PSME4: variants seen among roughly 807,000 people sequenced by gnomAD.
The protein encoded by PSME4 is proteasome activator complex subunit 4.
Under a neutral mutation model 253.9 loss-of-function variants are expected in PSME4, and 89 were observed. The observed-to-expected ratio is 0.35, with a 90% CI of 0.30 to 0.42. PSME4 has a LOEUF of 0.42. PSME4 is among the 10% of genes least tolerant of loss of function. PSME4 has a pLI of 1.00. For synonymous variants in PSME4, 851 were observed against 759.2 expected, an observed-to-expected ratio of 1.12 and a Z score of -1.99; for missense variants, 2,014 against 2,195.2, an observed-to-expected ratio of 0.92 and a Z score of 1.65.
chr2:53,907,349 T>G (rs774177473), intron 24 of PSME4, among the ~76,000 whole-genome samples: 5 of 152,194 alleles, frequency 3.3e-5, no homozygotes, highest in African/African-American at 2.4e-5. Context: ...CAAAGGCAGA[T>G]AGTTGAGGCT....
chr2:53,889,051 G>C (rs1281308311), intron 37 of PSME4, among the ~76,000 whole-genome samples: 1 of 152,066 alleles, frequency 6.6e-6, no homozygotes, highest in Non-Finnish European at 1.5e-5. Flanking sequence ...TTTTTGTAGA[G>C]ACAGAGTCTC....
chr2:53,920,424 C>A (rs541299631), intron 18 of PSME4, 74 bp from the exon 19 acceptor site: 14 of 1,356,572 alleles, frequency 1.0e-5, no homozygotes, highest in South Asian at 3.7e-5. Context: ...TACATATACA[C>A]AATTTTTAAA....
intron 1 of PSME4, among the ~76,000 whole-genome samples, chr2:53,961,261 C>T (rs1670484792): frequency 6.6e-6 from 1 of 152,166 alleles, no homozygotes; most frequent in Non-Finnish European, 1.5e-5. Context: ...TTGTTGTTTG[C>T]TTACCGTTTT....
chr2:53,921,875 A>T (rs1668341263), intron 17 of PSME4, among the ~76,000 whole-genome samples: 1 of 144,824 alleles, frequency 6.9e-6, no homozygotes, highest in Admixed American at 7.0e-5. Context: ...CTCAAAAAAA[A>T]GAAAACTGAA....
At chr2:53,949,319 G>A (rs768121400) in intron 1 of PSME4, 36 bp from the exon 2 acceptor site, 2 of 1,377,430 alleles carry the variant, frequency 1.5e-6, no homozygotes, top group South Asian at 1.4e-5. Context: ...TTTAAAAATA[G>A]GTATGATGAC....
chr2:53,945,432 T>C (rs1369964753), intron 3 of PSME4, among the ~76,000 whole-genome samples: 1 of 151,934 alleles, frequency 6.6e-6, no homozygotes, highest in African/African-American at 2.4e-5. Flanking sequence ...TAGACTGAGA[T>C]GAGGATAAAG....
At chr2:53,959,125 T>C (rs1017913764) in intron 1 of PSME4, among the ~76,000 whole-genome samples, 4 of 152,198 alleles carry the variant, frequency 2.6e-5, no homozygotes, top group Admixed American at 2.6e-4. Context: ...GAAGCTAGCC[T>C]GGGCAACATG....
In PSME4 at chr2:53,951,842, A is replaced by T. The variant is rs191443615; in HGVS notation, c.243-2559T>A. Among the ~76,000 whole-genome samples, 238 of 152,322 alleles carry T rather than the reference A, an allele frequency of 1.6e-3. 1 individual carries two copies. Among genetic ancestry groups the T allele is most frequent in the Non-Finnish European group, 1.4e-3 (93 of 68,026 alleles). On this transcript the variant is annotated intron_variant, in intron 1 of 46. Transcript: ENST00000404125. ...ATTTCAAATAAGGGATACTCAAAAT[A>T]ATTATTATGAAAGTTTCTTAAACAC... is the stretch of plus-strand genomic sequence containing the variant.
chr2:53,932,036 C>T lies in PSME4; in HGVS notation c.1115G>A (p.Arg372Lys). Residue 372 changes from arginine to lysine, a missense_variant, in exon 10 of 47, where the codon AGA becomes AAA. Physicochemically the swap from Arg to Lys is conservative, Grantham distance 26. This residue lies in a region of PSME4 where 615 missense variants were observed against 594.4 expected (regional missense o/e 1.03). Coordinates refer to ENST00000404125, the MANE Select transcript of PSME4 (RefSeq NM_014614.3). ...AGTTAACCAAGAGGGCTTCTTGTAT[C>T]TTTCACGATGCAATCTTCTAACAAC... is the stretch of plus-strand genomic sequence containing the variant. ...NSVVRRLHRE[R>K]YKKPSWLTPV... is the part of the protein sequence containing the mutation. The T allele has an allele frequency of 6.2e-7, 1 of 1,613,684 alleles. No homozygotes were observed. The highest frequency in any genetic ancestry group is 8.5e-7 in the Non-Finnish European group (1 of 1,179,576).
rs778904761 is a variant in PSME4, at chr2:53,866,197, A to G, written c.5424T>C (p.Asn1808=). ...IEMTVKKTLS[N]FRRTHHDNWQ... ...AGTTGTCATGGTGAGTCCTTCGGAA[A>G]TTGGATAAGGTTTTTTTTACAGTCA... The change falls in exon 46 of 47, where the codon AAT becomes AAC. Residue 1808 remains asparagine (N), a synonymous_variant. Transcript: ENST00000404125. 2.7e-5 allele frequency: 44 copies of G among 1,613,914 alleles called. No individual in the cohort carries two copies. The highest frequency in any genetic ancestry group is 1.4e-5 in the Non-Finnish European group (17 of 1,179,962).
At chr2:53,881,661 T>G (rs1679396779) in intron 41 of PSME4, among the ~76,000 whole-genome samples, 1 of 152,046 alleles carries the variant, frequency 6.6e-6, no homozygotes, top group East Asian at 1.9e-4. Context: ...TCTGGCTTAC[T>G]GCAGCCTCCG....
At chr2:53,965,003 T>C (rs1031548527) in intron 1 of PSME4, among the ~76,000 whole-genome samples, 3 of 152,094 alleles carry the variant, frequency 2.0e-5, no homozygotes, top group Non-Finnish European at 4.4e-5. Context: ...ATACAAAACA[T>C]GTCACTGTAG....
intron 1 of PSME4, among the ~76,000 whole-genome samples, chr2:53,955,322 GT>G (rs1323122442): frequency 2.0e-5 from 3 of 152,138 alleles, no homozygotes; most frequent in African/African-American, 7.2e-5. Context: ...GCCCAGGATT[GT>G]TTTGAATGTG....
chr2:53,909,005 T>C (rs911994348), intron 21 of PSME4, among the ~76,000 whole-genome samples, 165 bp from the exon 22 acceptor site: 1 of 152,102 alleles, frequency 6.6e-6, no homozygotes, highest in Non-Finnish European at 1.5e-5. Context: ...CAGCAACTTC[T>C]AAAACCTCTA....
At chr2:53,936,709 G>T in intron 6 of PSME4, 55 bp downstream of exon 6, 2 of 1,257,884 alleles carry the variant, frequency 1.6e-6, no homozygotes, top group Non-Finnish European at 1.1e-6. Flanking sequence ...AGTATGGGGG[G>T]GAAAAAAGAA....
At chr2:53,964,588 C>T (rs977183856) in intron 1 of PSME4, among the ~76,000 whole-genome samples, 2 of 152,202 alleles carry the variant, frequency 1.3e-5, no homozygotes, top group African/African-American at 4.8e-5. Flanking sequence ...GATTCATTTA[C>T]AAATAAAACC....
intron 1 of PSME4, among the ~76,000 whole-genome samples, chr2:53,950,663 G>A (rs1669933404): frequency 6.6e-6 from 1 of 151,940 alleles, no homozygotes; most frequent in African/African-American, 2.4e-5. Context: ...CCAACATGGA[G>A]AAACCCCGTC....
chr2:53,928,384 T>G, intron 10 of PSME4, 81 bp from the exon 11 acceptor site: 1 of 1,124,392 alleles, frequency 8.9e-7, no homozygotes, highest in Non-Finnish European at 1.2e-6. Context: ...AATAAATTCA[T>G]AAACTGCACT....
chr2:53,882,788 A>G (rs1679452590), intron 41 of PSME4, among the ~76,000 whole-genome samples: 1 of 152,194 alleles, frequency 6.6e-6, no homozygotes, highest in Non-Finnish European at 1.5e-5. Context: ...ACTTACTGAC[A>G]TGGAAACGTA....
Sources: allele counts gnomAD v4.1 joint callset (sites outside exome capture counted in the v4.1 genomes callset), GRCh38; gene constraint gnomAD v4.1.1; regional missense constraint gnomAD v4.1.1; transcripts MANE v1.5; gene names NCBI Gene and HGNC (gene_info 2026-07-23, HGNC 2026-07-21).